PNKP: variants seen among roughly 807,000 people sequenced by gnomAD.
The protein encoded by PNKP is polynucleotide kinase 3'-phosphatase, also known as bifunctional polynucleotide phosphatase/kinase.
PNKP carries 82 observed loss-of-function variants against 66.2 expected under a neutral mutation model. That is an observed-to-expected ratio of 1.24 (90% confidence interval 1.04 to 1.49). The LOEUF (loss-of-function observed/expected upper bound fraction) is 1.49, where lower values mean the gene tolerates loss of function less well. Ranked by LOEUF, PNKP falls within the 40% of genes most tolerant of loss-of-function variation. The probability of loss-of-function intolerance (pLI) is 0.00; values close to 1 mark genes in which losing one functional copy is unlikely to be tolerated. For synonymous variants in PNKP, 412 were observed against 298.9 expected (o/e 1.38, Z -3.90); for missense variants, 907 against 706.8 (o/e 1.28, Z -3.21).
chr19:49,865,018 C>A (rs1256877659), intron 4 of PNKP, 109 bp downstream of exon 4: 8 of 819,194 alleles, frequency 9.8e-6, no homozygotes, highest in Admixed American at 8.4e-5. Context: ...TATCATTAGG[C>A]CCATTTCTCA....
At chr19:49,863,544 C>G in intron 8 of PNKP, 145 bp downstream of exon 8, 2 of 667,182 alleles carry the variant, frequency 3.0e-6, no homozygotes, top group South Asian at 3.3e-5. Context: ...CGTAAACCAA[C>G]ATCTAAGATG....
intron 8 of PNKP, chr19:49,862,964 C>T (rs1475024498): frequency 1.9e-5 from 12 of 646,486 alleles, no homozygotes; most frequent in Non-Finnish European, 3.1e-5. Flanking sequence ...TCACCTCCTC[C>T]CGTTCCCCAC....
chr19:49,866,645 G>C (rs1267580066), intron 2 of PNKP, 200 bp from the exon 3 acceptor site: 14 of 681,990 alleles, frequency 2.1e-5, no homozygotes, highest in Non-Finnish European at 3.8e-5. Flanking sequence ...AAGGGACAGG[G>C]AGGTACTTTT....
Position 49,867,169 on chromosome 19 carries a change from G to C in PNKP, c.36C>G (p.Leu12=), listed in dbSNP as rs1197600061. 6.2e-7 allele frequency: 1 copy of C among 1,612,066 alleles called. No homozygotes were observed. Among genetic ancestry groups the C allele is most frequent in the Non-Finnish European group, 8.5e-7 (1 of 1,179,492 alleles). ...GGGGCGCTCCCCCAGGGGGGCTCTC[G>C]AGCCACAAGCGGCCCGGGGCCTCCA... ...GEVEAPGRLW[L]ESPPGGAPPI... The change falls in exon 2 of 17, where the codon CTC becomes CTG. Residue 12 remains leucine, a synonymous_variant. Transcript: ENST00000322344.
Position 49,861,514 on chromosome 19 carries a change from T to G in PNKP, c.1387-4A>C, listed in dbSNP as rs774527024. The G allele has an allele frequency of 1.0e-5, 14 of 1,372,942 alleles. No individual in the cohort carries two copies. The highest frequency in any genetic ancestry group is 3.8e-5 in the East Asian group (1 of 26,196). 85.0% of individuals were successfully genotyped at this position (1,372,942 alleles called of 1,614,324 possible). On this transcript the variant is annotated splice_polypyrimidine_tract_variant and splice_region_variant and intron_variant, in intron 15 of 16. Transcript: ENST00000322344. ...AGGAGTCCGTCATCTCTCGAAACTG[T>G]GGGGAACATCAGAGGGGCGGCAGGC...
At chr19:49,866,291 C>A (rs1350893547) in intron 3 of PNKP, 108 bp downstream of exon 3, 10 of 1,066,898 alleles carry the variant, frequency 9.4e-6, no homozygotes, top group African/African-American at 1.6e-5. Flanking sequence ...TGAGCCACCA[C>A]GCCCGGCCCC....
At chr19:49,864,911 G>A (rs913649062) in intron 4 of PNKP, among the ~76,000 whole-genome samples, 5 of 152,204 alleles carry the variant, frequency 3.3e-5, no homozygotes, top group Admixed American at 2.6e-4. Flanking sequence ...AGACAGTCAT[G>A]GTCATTGCTG....
chr19:49,867,223 G>C lies in PNKP; in HGVS notation c.-13-6C>G, dbSNP rs1385778515. 6 of 1,605,480 alleles carry C rather than the reference G, an allele frequency of 3.7e-6. No homozygotes were observed. The highest frequency in any genetic ancestry group is 5.1e-6 in the Non-Finnish European group (6 of 1,176,392). On this transcript the variant is annotated splice_polypyrimidine_tract_variant and splice_region_variant and intron_variant, in intron 1 of 16. Coordinates refer to ENST00000322344, the MANE Select transcript of PNKP (RefSeq NM_007254.4). ...CGCCCATCCTGGGTGCCGGCCTGGG[G>C]AGCAGGTAAACGGGCTTGAGCGGCG...
chr19:49,862,216 C>T lies in PNKP; in HGVS notation c.1095G>A (p.Pro365=), dbSNP rs139540159. The T allele has an allele frequency of 3.7e-6, 6 of 1,613,198 alleles. No homozygotes were observed. Among genetic ancestry groups the T allele is most frequent in the East Asian group, 2.2e-5 (1 of 44,850 alleles). Residue 365 remains proline (P), a synonymous_variant, in exon 12 of 17, where the codon CCG becomes CCA. Coordinates refer to ENST00000322344, the MANE Select transcript of PNKP (RefSeq NM_007254.4). ...GGAATCCCACTGCGACAACCACCTC[C>T]GGGCTGGCGCTCAGGAGGGCCCTGG... ...PESRALLSAS[P]EVVVAVGFPG...
rs1307166840 is a variant in PNKP at position 49,865,436 on chromosome 19, G to A, written c.199-10C>T. On this transcript the variant is annotated splice_polypyrimidine_tract_variant and intron_variant, in intron 3 of 16. Coordinates refer to ENST00000322344, the MANE Select transcript of PNKP (RefSeq NM_007254.4). ...AGGGGTTAACTCCCAGCTGCAGAAA[G>A]AGAGGGAGGAGCTGGGACTGGCTCC... The A allele has an allele frequency of 2.5e-6, 4 of 1,587,600 alleles. No homozygotes were observed. The East Asian group carries it at 9.2e-5, about 37-fold the overall frequency.
At position 49,861,225 on chromosome 19, in the gene PNKP, T is replaced by G. The variant is rs886054582; in HGVS notation, c.*23A>C. The G allele has an allele frequency of 2.0e-6, 3 of 1,479,092 alleles. No homozygotes were observed. In the East Asian group the frequency reaches 6.8e-5, roughly 33 times the overall value. 91.6% of individuals were successfully genotyped at this position (1,479,092 alleles called of 1,614,324 possible). A position where few individuals can be genotyped will look rare whatever the true frequency, so the allele number is the denominator to read the frequency against. On this transcript the variant is annotated 3_prime_UTR_variant, in exon 17 of 17. Coordinates refer to ENST00000322344, the MANE Select transcript of PNKP (RefSeq NM_007254.4). ...AAGCTCAAGGAGAAACAGCGTTTAT[T>G]GTGGAGGGGAGCTGGGCGGGGCTCA...
chr19:49,867,375 G>C, intron 1 of PNKP, 94 bp downstream of exon 1: 1 of 724,506 alleles, frequency 1.4e-6, no homozygotes, highest in East Asian at 2.7e-5. Flanking sequence ...CCCAGGCGAC[G>C]ACGCGTGCTC....
At chr19:49,866,703 G>T (rs542575536) in intron 2 of PNKP, 2 of 612,794 alleles carry the variant, frequency 3.3e-6, no homozygotes, top group Middle Eastern at 4.3e-4. Context: ...GCTAGATATA[G>T]GTCCGGGGCT....
intron 8 of PNKP, chr19:49,862,957 C>A (rs1361800011): frequency 3.1e-6 from 2 of 652,900 alleles, no homozygotes; most frequent in East Asian, 2.7e-5. Context: ...CCCGACTTCA[C>A]CTCCTCCCGT....
At position 49,862,399 on chromosome 19, in the gene PNKP, G is replaced by A. The variant is rs571217111; in HGVS notation, c.1001C>T (p.Ala334Val). 94 of 1,560,820 alleles carry A rather than the reference G, an allele frequency of 6.0e-5. 2 individuals carry two copies. In the South Asian group the frequency reaches 1.0e-3, roughly 17 times the overall value. The stretch of plus-strand genomic sequence containing the variant: ...ATCAAAGGCTGGGAGCTCGAAGCCG[G>A]CTGCTGGCCACTTGAGAAAGAACTC... ...PEEFFLKWPA[A>V]GFELPAFDPR... Residue 334 changes from alanine to valine, a missense_variant, in exon 11 of 17, where the codon GCC becomes GTC. Transcript: ENST00000322344.
chr19:49,867,264 C>A, intron 1 of PNKP, 47 bp from the exon 2 acceptor site: 2 of 1,538,008 alleles, frequency 1.3e-6, no homozygotes, highest in Non-Finnish European at 1.8e-6. Flanking sequence ...CCCCAATTTG[C>A]TGCAGGAAGT....
chr19:49,866,726 A>G, intron 2 of PNKP: 1 of 598,398 alleles, frequency 1.7e-6, no homozygotes, highest in Non-Finnish European at 3.0e-6. Context: ...GCCTGTTACC[A>G]TCCATCCCAA....
In PNKP at chr19:49,864,403, C is replaced by T; in HGVS notation, c.499G>A (p.Val167Met). Residue 167 changes from valine (V) to methionine (M), a missense_variant and splice_region_variant, in exon 5 of 17, where the codon GTG becomes ATG. Val to Met is a conservative substitution (Grantham distance 21, BLOSUM62 1). Transcript: ENST00000322344. ...TAAGVKPQGK[V>M]AGFDLDGTLI... ...GTCCCGTCCAGATCAAAGCCAGCCA[C>T]CTGGTGTCACCAAGGAAAGACAAAC... 2 of 1,612,550 alleles carry T rather than the reference C, an allele frequency of 1.2e-6. No individual in the cohort carries two copies. Among genetic ancestry groups the T allele is most frequent in the Non-Finnish European group, 1.7e-6 (2 of 1,178,672 alleles).
At chr19:49,865,617 T>TCCC in intron 3 of PNKP, 191 bp from the exon 4 acceptor site, 1 of 509,956 alleles carries the variant, frequency 2.0e-6, no homozygotes, top group East Asian at 3.2e-5. Flanking sequence ...TTTTTTTTTT[T>TCCC]TTTTTTTTCC....
Sources: gnomAD v4.1 joint callset for allele counts (sites outside exome capture counted in the v4.1 genomes callset) on GRCh38, gnomAD v4.1.1 for gene constraint, MANE v1.5 for transcripts, NCBI Gene and HGNC (gene_info 2026-07-23, HGNC 2026-07-21) for gene names.